CCDC178: variants seen among roughly 807,000 people sequenced by gnomAD.
CCDC178 encodes the protein coiled-coil domain-containing protein 178.
CCDC178 carries 126 observed loss-of-function variants against 117.4 expected under a neutral mutation model. That is an observed-to-expected ratio of 1.07 (90% CI 0.93 to 1.24). CCDC178 has a LOEUF of 1.24. Ranked by LOEUF, CCDC178 falls within the 50% of genes most tolerant of loss-of-function variation. CCDC178 has a pLI of 0.00. For missense variants in CCDC178, 1,030 were observed against 986.9 expected, an observed-to-expected ratio of 1.04 and a Z score of -0.59; for synonymous variants, 283 against 313.4, an observed-to-expected ratio of 0.90 and a Z score of 1.02.
intron 10 of CCDC178, among the ~76,000 whole-genome samples, chr18:33,331,862 C>G (rs2062673970): frequency 6.6e-6 from 1 of 152,148 alleles, no homozygotes; most frequent in South Asian, 2.1e-4. Flanking sequence ...AACTACCCAA[C>G]TAGGTATATA....
chr18:33,199,494 T>C (rs2058968834), intron 20 of CCDC178, among the ~76,000 whole-genome samples: 1 of 152,194 alleles, frequency 6.6e-6, no homozygotes, highest in African/African-American at 2.4e-5. Context: ...TTAGAATTTA[T>C]GGGATTACTC....
At chr18:32,964,349 C>T (rs2054767679) in intron 22 of CCDC178, among the ~76,000 whole-genome samples, 2 of 151,762 alleles carry the variant, frequency 1.3e-5, no homozygotes, top group Admixed American at 6.6e-5. Flanking sequence ...TTGAAGTTGT[C>T]CAAGCATTTA....
chr18:33,181,642 A>G (rs2058733682), intron 20 of CCDC178, among the ~76,000 whole-genome samples: 1 of 151,834 alleles, frequency 6.6e-6, no homozygotes. Context: ...AAACTTTTTT[A>G]TGTTTCTGAG....
At position 33,063,784 on chromosome 18, in the gene CCDC178, G is replaced by T. The variant is rs554015408; in HGVS notation, c.2388+28977C>A. Among the ~76,000 whole-genome samples the T allele has an allele frequency of 3.3e-5, 5 of 152,260 alleles. No homozygotes were observed. In the South Asian group the frequency reaches 1.0e-3, roughly 32 times the overall value. On this transcript the variant is annotated intron_variant, in intron 21 of 22. Coordinates refer to ENST00000383096, the MANE Select transcript of CCDC178 (RefSeq NM_001105528.4). ...CCTGTATACCACCTGGAGTTCTGAA[G>T]ACTGGCATGCCTGGCCCACCACCAC... is the stretch of plus-strand genomic sequence containing the variant.
At chr18:33,046,803 C>T (rs1392280952) in intron 21 of CCDC178, among the ~76,000 whole-genome samples, 1 of 152,108 alleles carries the variant, frequency 6.6e-6, no homozygotes, top group African/African-American at 2.4e-5. Context: ...TAGCAAACTA[C>T]AGCAGCCCTA....
intron 22 of CCDC178, among the ~76,000 whole-genome samples, chr18:32,945,622 T>C (rs1239525034): frequency 6.6e-6 from 1 of 152,196 alleles, no homozygotes; most frequent in East Asian, 1.9e-4. Flanking sequence ...GCCACATGGC[T>C]TAACATATTG....
chr18:33,297,068 A>C (rs1170065345), intron 11 of CCDC178, among the ~76,000 whole-genome samples: 1 of 152,128 alleles, frequency 6.6e-6, no homozygotes, highest in Non-Finnish European at 1.5e-5. Flanking sequence ...CATTAAAATT[A>C]AATGATATAT....
In CCDC178 at chr18:33,223,243, A is replaced by G. The variant is rs866158432; in HGVS notation, c.1819-24T>C. On this transcript the variant is annotated intron_variant, in intron 17 of 22. Transcript: ENST00000383096. ...ATCTAGAAGACATTCAGATATTAAGATGTGCAGCATTTGCAACCCAGTTAT... is the reference window on the plus strand; with the variant it reads ...ATCTAGAAGACATTCAGATATTAAGGTGTGCAGCATTTGCAACCCAGTTAT... 8 of 1,566,628 alleles carry G rather than the reference A, an allele frequency of 5.1e-6. No homozygotes were observed. In the African/African-American group the frequency reaches 9.6e-5, roughly 19 times the overall value.
intron 20 of CCDC178, among the ~76,000 whole-genome samples, chr18:33,145,537 T>C (rs1422823765): frequency 6.6e-6 from 1 of 152,140 alleles, no homozygotes; most frequent in East Asian, 1.9e-4. Flanking sequence ...TTTTGCAAAA[T>C]TTTTAAAATT....
intron 16 of CCDC178, among the ~76,000 whole-genome samples, chr18:33,225,563 C>T (rs2059293370): frequency 6.6e-6 from 1 of 152,066 alleles, no homozygotes; most frequent in South Asian, 2.1e-4. Flanking sequence ...TTTCCCAGCC[C>T]AAAATGTCAA....
At chr18:33,428,774 A>C (rs925435553) in intron 2 of CCDC178, among the ~76,000 whole-genome samples, 14 of 147,868 alleles carry the variant, frequency 9.5e-5, no homozygotes, top group African/African-American at 3.2e-4. Flanking sequence ...AAAAAGAATT[A>C]GGGAGTGGAT....
intron 9 of CCDC178, among the ~76,000 whole-genome samples, chr18:33,334,017 C>T (rs961360177): frequency 2.6e-5 from 4 of 151,558 alleles, no homozygotes; most frequent in African/African-American, 9.7e-5. Context: ...GAGTAGAGGC[C>T]TTCCAAAACC....
intron 20 of CCDC178, among the ~76,000 whole-genome samples, chr18:33,132,026 C>CA (rs559933896): frequency 6.6e-6 from 1 of 151,234 alleles, no homozygotes; most frequent in Non-Finnish European, 1.5e-5. Flanking sequence ...GTAGCTAAGA[C>CA]ATCTCTCTTT....
At chr18:33,113,482 G>A (rs2057810954) in intron 20 of CCDC178, among the ~76,000 whole-genome samples, 1 of 151,854 alleles carries the variant, frequency 6.6e-6, no homozygotes, top group Admixed American at 6.6e-5. Context: ...ATCTTAAAAT[G>A]GTCACAGCTA....
chr18:32,986,350 A>C (rs2055263267), intron 21 of CCDC178, among the ~76,000 whole-genome samples: 1 of 152,056 alleles, frequency 6.6e-6, no homozygotes, highest in Non-Finnish European at 1.5e-5. Flanking sequence ...AGGACTCCTA[A>C]GTTTTTGTTT....
intron 21 of CCDC178, among the ~76,000 whole-genome samples, chr18:33,045,539 A>T (rs1328622111): frequency 6.6e-6 from 1 of 152,224 alleles, no homozygotes; most frequent in Non-Finnish European, 1.5e-5. Context: ...GTCTCTTACC[A>T]TGAGAAACAT....
chr18:33,346,505 T>C (rs1241856395), intron 8 of CCDC178, 94 bp from the exon 9 acceptor site: 2 of 535,064 alleles, frequency 3.7e-6, no homozygotes, highest in African/African-American at 3.9e-5. Context: ...TATATTTTTC[T>C]ATATATTTAA....
At chr18:33,116,934 G>A (rs2057865026) in intron 20 of CCDC178, among the ~76,000 whole-genome samples, 2 of 152,140 alleles carry the variant, frequency 1.3e-5, no homozygotes, top group Admixed American at 6.6e-5. Context: ...GGTGAAGGAG[G>A]ATTCCCCCAG....
chr18:33,031,468 T>C (rs1431248215), intron 21 of CCDC178, among the ~76,000 whole-genome samples: 1 of 152,142 alleles, frequency 6.6e-6, no homozygotes, highest in African/African-American at 2.4e-5. Flanking sequence ...TTTAACCTCA[T>C]AGAATCTAGT....
Sources: gnomAD v4.1 joint callset for allele counts (sites outside exome capture counted in the v4.1 genomes callset) on GRCh38, gnomAD v4.1.1 for gene constraint, MANE v1.5 for transcripts, NCBI Gene and HGNC (gene_info 2026-07-23, HGNC 2026-07-21) for gene names.